CCDC178: variants seen among roughly 807,000 people sequenced by gnomAD.
CCDC178 encodes coiled-coil domain containing 178, also known as coiled-coil domain-containing protein 178.
In CCDC178, 126 loss-of-function variants were observed where a neutral mutation model predicts 117.4. The ratio of observed to expected loss-of-function variants is 1.07; its 90% CI spans 0.93 to 1.24. The LOEUF (loss-of-function observed/expected upper bound fraction) is 1.24. Among genes scored for constraint, CCDC178 ranks in the 50% most tolerant of loss-of-function variants. The pLI is 0.00. For missense variants in CCDC178, 1,030 were observed against 986.9 expected (o/e 1.04, Z -0.59); for synonymous variants, 283 against 313.4 (o/e 0.90, Z 1.02).
chr18:33,128,210 A>C (rs2058030993), intron 20 of CCDC178, among the ~76,000 whole-genome samples: 1 of 152,206 alleles, frequency 6.6e-6, no homozygotes, highest in Non-Finnish European at 1.5e-5. Flanking sequence ...CTCTACACTG[A>C]CATTGTCAAT....
chr18:33,112,745 C>T (rs962181473), intron 20 of CCDC178, among the ~76,000 whole-genome samples: 2 of 151,978 alleles, frequency 1.3e-5, no homozygotes, highest in Admixed American at 1.3e-4. Context: ...GGGCTCCAAT[C>T]ATCTTCCCTA....
chr18:33,431,149 C>CAA (rs2064212957), intron 2 of CCDC178, among the ~76,000 whole-genome samples: 1 of 145,700 alleles, frequency 6.9e-6, no homozygotes. Context: ...TCCTCAAAAC[C>CAA]AAAAGAATGA....
chr18:33,060,093 T>C (rs150556219), intron 21 of CCDC178, among the ~76,000 whole-genome samples: 3 of 152,264 alleles, frequency 2.0e-5, no homozygotes, highest in African/African-American at 7.2e-5. Context: ...AGACTCAGTA[T>C]AGGTATCTAC....
At chr18:33,065,441 A>G (rs972117030) in intron 21 of CCDC178, among the ~76,000 whole-genome samples, 5 of 152,228 alleles carry the variant, frequency 3.3e-5, no homozygotes, top group African/African-American at 1.2e-4. Context: ...GGAACACCAT[A>G]AAGTCATCCA....
intron 21 of CCDC178, among the ~76,000 whole-genome samples, chr18:33,021,223 T>G (rs2056109675): frequency 6.6e-6 from 1 of 152,238 alleles, no homozygotes; most frequent in Non-Finnish European, 1.5e-5. Context: ...TGAAAACATT[T>G]TGATCTTGCA....
intron 12 of CCDC178, among the ~76,000 whole-genome samples, chr18:33,267,546 A>G (rs1173532468): frequency 6.6e-6 from 1 of 151,796 alleles, no homozygotes; most frequent in Non-Finnish European, 1.5e-5. Context: ...TAAAAAAACT[A>G]GTACAAGAAA....
At chr18:33,331,912 G>A (rs1313306992) in intron 10 of CCDC178, among the ~76,000 whole-genome samples, 3 of 152,272 alleles carry the variant, frequency 2.0e-5, no homozygotes, top group African/African-American at 4.8e-5. Flanking sequence ...ACAGAGGAAG[G>A]TATTCATGTG....
intron 7 of CCDC178, among the ~76,000 whole-genome samples, chr18:33,350,388 A>G (rs2062959390): frequency 6.6e-6 from 1 of 152,114 alleles, no homozygotes; most frequent in African/African-American, 2.4e-5. Context: ...TCATTCCAAT[A>G]TATTTTCATC....
At chr18:33,434,499 T>G (rs2064263357) in intron 2 of CCDC178, among the ~76,000 whole-genome samples, 1 of 152,150 alleles carries the variant, frequency 6.6e-6, no homozygotes, top group Non-Finnish European at 1.5e-5. Context: ...GCTGTCATAC[T>G]GATGCAAAAT....
intron 22 of CCDC178, among the ~76,000 whole-genome samples, chr18:32,962,834 C>T (rs935101082): frequency 2.0e-5 from 3 of 151,900 alleles, no homozygotes; most frequent in African/African-American, 7.2e-5. Context: ...TCACCATCGG[C>T]AGATAATAAA....
chr18:33,327,083 TACAAACAAAACATG>T (rs1408264012), intron 10 of CCDC178, among the ~76,000 whole-genome samples: 3 of 152,216 alleles, frequency 2.0e-5, no homozygotes, highest in Non-Finnish European at 2.9e-5. Context: ...AAAACTTTAT[TACAAACAAAACATG>T]ACAAACAAAA....
chr18:33,001,742 T>C (rs907587095), intron 21 of CCDC178, among the ~76,000 whole-genome samples: 1 of 151,758 alleles, frequency 6.6e-6, no homozygotes, highest in African/African-American at 2.4e-5. Flanking sequence ...ATTGTATGAA[T>C]GGATTAAAAA....
chr18:33,139,455 A>G (rs988928096), intron 20 of CCDC178, among the ~76,000 whole-genome samples: 1 of 152,186 alleles, frequency 6.6e-6, no homozygotes, highest in African/African-American at 2.4e-5. Flanking sequence ...AAAAATGCTG[A>G]TAGTGATATG....
At chr18:33,061,844 T>A (rs1195565651) in intron 21 of CCDC178, among the ~76,000 whole-genome samples, 1 of 152,178 alleles carries the variant, frequency 6.6e-6, no homozygotes, top group African/African-American at 2.4e-5. Context: ...GAGGGTTATA[T>A]GAAGACATGC....
intron 15 of CCDC178, among the ~76,000 whole-genome samples, chr18:33,239,435 C>CT (rs1568080153): frequency 6.6e-6 from 1 of 151,088 alleles, no homozygotes; most frequent in African/African-American, 2.4e-5. Context: ...AAAGACCCAA[C>CT]TATATGCTGC....
chr18:33,315,040 C>CAATTAGGCT (rs571599170), intron 11 of CCDC178, among the ~76,000 whole-genome samples: 136 of 152,220 alleles, frequency 8.9e-4, no homozygotes, highest in African/African-American at 3.2e-3. Flanking sequence ...GAATAAAAGG[C>CAATTAGGCT]AATTAGGCTT....
At chr18:33,003,136 T>C (rs888824153) in intron 21 of CCDC178, among the ~76,000 whole-genome samples, 11 of 152,038 alleles carry the variant, frequency 7.2e-5, no homozygotes, top group African/African-American at 2.7e-4. Context: ...TAAACTATTC[T>C]GAAAAATAGA....
intron 21 of CCDC178, among the ~76,000 whole-genome samples, chr18:32,992,746 C>T (rs562718738): frequency 1.1e-4 from 16 of 152,264 alleles, no homozygotes; most frequent in Non-Finnish European, 2.1e-4. Flanking sequence ...CTACAATGTA[C>T]ACATACATCA....
chr18:33,349,166 T>C (rs1255748987), intron 7 of CCDC178, among the ~76,000 whole-genome samples, 191 bp from the exon 8 acceptor site: 2 of 151,866 alleles, frequency 1.3e-5, no homozygotes, highest in African/African-American at 2.4e-5. Context: ...GGTAAATTAA[T>C]AAAAACTTAA....
Sources: allele counts gnomAD v4.1 joint callset (sites outside exome capture counted in the v4.1 genomes callset), GRCh38; gene constraint gnomAD v4.1.1; transcripts MANE v1.5; gene names NCBI Gene and HGNC (gene_info 2026-07-23, HGNC 2026-07-21).